Variants in NTMT2 observed in about 807,000 individuals in gnomAD.
NTMT2 encodes X-Pro-Lys N-terminal protein methyltransferase 1B.
A neutral mutation model predicts 23.4 loss-of-function variants in NTMT2; 21 were observed. The ratio of observed to expected loss-of-function variants is 0.90; its 90% CI spans 0.64 to 1.29. The LOEUF (loss-of-function observed/expected upper bound fraction) is 1.29, where lower values mean the gene tolerates loss of function less well. Among genes scored for constraint, NTMT2 ranks in the 50% most tolerant of loss-of-function variants. The pLI is 0.00. For synonymous variants in NTMT2, 131 were observed against 127.7 expected (o/e 1.03, Z -0.17); for missense variants, 336 against 352.0 (o/e 0.95, Z 0.36).
At chr1:170,146,592 T>A (rs1025377631) in intron 1 of NTMT2, among the ~76,000 whole-genome samples, 1 of 152,138 alleles carries the variant, frequency 6.6e-6, no homozygotes, top group East Asian at 1.9e-4. Flanking sequence ...ATTGGGCAAA[T>A]TTGATAATTC....
rs57166192 is a variant in NTMT2, at chr1:170,168,240, C to CAAAAA, written c.*493_*497dup. On this transcript the variant is annotated 3_prime_UTR_variant, in exon 4 of 4. Coordinates refer to ENST00000439373, the MANE Select transcript of NTMT2 (RefSeq NM_001136107.2). ...CAGATAAAGCATTTGTCTACTCAAACAAAAAAAAAAAAAAGAAAAAGAAAC... is the reference window on the plus strand; with the variant it reads ...CAGATAAAGCATTTGTCTACTCAAACAAAAAAAAAAAAAAAAAAAGAAAAAGAAAC... Among the ~76,000 whole-genome samples the CAAAAA allele has an allele frequency of 1.7e-5, 2 of 116,820 alleles. No individual in the cohort carries two copies. Among genetic ancestry groups the CAAAAA allele is most frequent in the East Asian group, 2.9e-4 (1 of 3,504 alleles). The allele number at this position is 116,820 out of a possible 152,430, so 76.6% of individuals were successfully genotyped here.
chr1:170,163,080 T>C (rs1172199490), intron 2 of NTMT2, among the ~76,000 whole-genome samples: 1 of 152,090 alleles, frequency 6.6e-6, no homozygotes. Context: ...ACAGAGCCCA[T>C]AAGCACGCCC....
Position 170,145,991 on chromosome 1 carries a change from A to G in NTMT2, c.-117A>G. On this transcript the variant is annotated 5_prime_UTR_variant, in exon 1 of 4. Coordinates refer to ENST00000439373, the MANE Select transcript of NTMT2 (RefSeq NM_001136107.2). ...TGACAGCCTGTCCTGATATAGATGG[A>G]GAGGGGACTGGTTTAAAATGACAGT... The G allele has an allele frequency of 2.1e-6, 2 of 963,652 alleles. No individual in the cohort carries two copies. The highest frequency in any genetic ancestry group is 3.0e-6 in the Non-Finnish European group (2 of 661,106). The allele number at this position is 963,652 out of a possible 1,614,324, so 59.7% of individuals were successfully genotyped here.
rs897977721 is a variant in NTMT2, at chr1:170,167,825, G to A, written c.*68G>A. The stretch of plus-strand genomic sequence containing the variant: ...TGGGATGGGGTTGCTATCCTTCCAG[G>A]TGCCCCTTGTAATGCAGATAGGGAT... On this transcript the variant is annotated 3_prime_UTR_variant, in exon 4 of 4. Transcript: ENST00000439373. 76 of 1,468,438 alleles carry A rather than the reference G, an allele frequency of 5.2e-5. 2 individuals carry two copies. The highest frequency in any genetic ancestry group is 4.3e-4 in the South Asian group (31 of 71,620). 91.0% of individuals were successfully genotyped at this position (1,468,438 alleles called of 1,614,324 possible). A position where few individuals can be genotyped will look rare whatever the true frequency, so the allele number is the denominator to read the frequency against.
At chr1:170,165,184 C>T (rs1161319177) in intron 2 of NTMT2, among the ~76,000 whole-genome samples, 1 of 152,090 alleles carries the variant, frequency 6.6e-6, no homozygotes, top group Non-Finnish European at 1.5e-5. Context: ...CTTCAGCAGC[C>T]ATCCCAATTA....
At chr1:170,166,472 T>C (rs1196937752) in intron 2 of NTMT2, 30 bp from the exon 3 acceptor site, 14 of 1,551,596 alleles carry the variant, frequency 9.0e-6, no homozygotes, top group Non-Finnish European at 1.1e-5. Context: ...TGGGTCTCTG[T>C]ACTTGAAATA....
chr1:170,157,492 C>T (rs1364639100), intron 1 of NTMT2, among the ~76,000 whole-genome samples: 1 of 152,036 alleles, frequency 6.6e-6, no homozygotes, highest in Non-Finnish European at 1.5e-5. Context: ...AACACTGGCT[C>T]CAATGTCTCC....
chr1:170,152,021 G>C (rs1011202001), intron 1 of NTMT2, among the ~76,000 whole-genome samples: 1 of 152,050 alleles, frequency 6.6e-6, no homozygotes, highest in Admixed American at 6.6e-5. Flanking sequence ...GCTTATGTCG[G>C]TTAATCCCTA....
At chr1:170,164,992 G>A (rs1013190237) in intron 2 of NTMT2, among the ~76,000 whole-genome samples, 1 of 152,054 alleles carries the variant, frequency 6.6e-6, no homozygotes, top group Admixed American at 6.6e-5. Context: ...CATAACGAAG[G>A]CCATTTGGGT....
At chr1:170,157,674 G>T (rs1357620575) in intron 1 of NTMT2, among the ~76,000 whole-genome samples, 1 of 152,112 alleles carries the variant, frequency 6.6e-6, no homozygotes, top group African/African-American at 2.4e-5. Context: ...AATGCTCTTA[G>T]TTAAAGTGAA....
intron 1 of NTMT2, among the ~76,000 whole-genome samples, chr1:170,153,462 C>T (rs1673108502): frequency 6.6e-6 from 1 of 152,178 alleles, no homozygotes; most frequent in Non-Finnish European, 1.5e-5. Flanking sequence ...CTGATAGTGA[C>T]AAGGACAGTG....
chr1:170,154,794 T>C (rs1673133911), intron 1 of NTMT2, among the ~76,000 whole-genome samples: 1 of 152,034 alleles, frequency 6.6e-6, no homozygotes, highest in Admixed American at 6.5e-5. Flanking sequence ...ATTTGAAATG[T>C]GAGAAGGACA....
chr1:170,153,302 A>G (rs566154685), intron 1 of NTMT2, among the ~76,000 whole-genome samples: 1 of 152,368 alleles, frequency 6.6e-6, no homozygotes, highest in Admixed American at 6.5e-5. Flanking sequence ...AATGCCTGAC[A>G]TGTGGAAGCA....
intron 2 of NTMT2, among the ~76,000 whole-genome samples, chr1:170,165,423 C>A (rs1237361629): frequency 6.6e-6 from 1 of 152,002 alleles, no homozygotes; most frequent in African/African-American, 2.4e-5. Flanking sequence ...ACCCAGAAAA[C>A]AATGTTTAGC....
At chr1:170,157,243 T>C (rs2102235784) in intron 1 of NTMT2, among the ~76,000 whole-genome samples, 1 of 152,244 alleles carries the variant, frequency 6.6e-6, no homozygotes, top group Non-Finnish European at 1.5e-5. Flanking sequence ...GACCATCCTT[T>C]TAATGTTGTA....
chr1:170,163,315 G>A (rs1215078680), intron 2 of NTMT2, among the ~76,000 whole-genome samples: 1 of 152,156 alleles, frequency 6.6e-6, no homozygotes, highest in Admixed American at 6.5e-5. Context: ...GATACAAAGA[G>A]TTAGGGAATA....
chr1:170,166,249 C>T (rs993985994), intron 2 of NTMT2, among the ~76,000 whole-genome samples: 3 of 147,774 alleles, frequency 2.0e-5, no homozygotes, highest in African/African-American at 7.5e-5. Flanking sequence ...ACGCCATTCT[C>T]CTGCCTCAGC....
chr1:170,146,162 G>A lies in NTMT2; in HGVS notation c.55G>A (p.Asp19Asn), dbSNP rs541072866. 4.5e-6 allele frequency: 7 copies of A among 1,551,398 alleles called. No homozygotes were observed. In the South Asian group the frequency reaches 4.8e-5, roughly 11 times the overall value. The change falls in exon 1 of 4, where the codon GAT becomes AAT. Residue 19 changes from aspartate to asparagine, a missense_variant. Physicochemically the swap from Asp to Asn is conservative, Grantham distance 23 (BLOSUM62 1). Coordinates refer to ENST00000439373, the MANE Select transcript of NTMT2 (RefSeq NM_001136107.2). ...TAGATCCCGCTGGCAGAAGACCGAC[G>A]ATGAACTCTGTAGACATAGCATGTC... ...AFRSRWQKTDDELCRHSMSFI... is the reference protein window; with the variant it reads ...AFRSRWQKTDNELCRHSMSFI...
intron 1 of NTMT2, among the ~76,000 whole-genome samples, chr1:170,157,777 A>T (rs1673193352): frequency 6.6e-6 from 1 of 151,972 alleles, no homozygotes. Flanking sequence ...GAATCACTGT[A>T]TATTTTTCTT....
Sources: gnomAD v4.1 joint callset for allele counts (sites outside exome capture counted in the v4.1 genomes callset) on GRCh38, gnomAD v4.1.1 for gene constraint, MANE v1.5 for transcripts, NCBI Gene and HGNC (gene_info 2026-07-23, HGNC 2026-07-21) for gene names.